Variants in CMSS1 observed in about 807,000 individuals in gnomAD.
CMSS1 encodes protein CMSS1.
Under a neutral mutation model 43.5 loss-of-function variants are expected in CMSS1, and 33 were observed. That is an observed-to-expected ratio of 0.76 (90% CI 0.57 to 1.01). CMSS1 has a LOEUF of 1.01. Ranked by LOEUF, CMSS1 falls within the 50% of genes least tolerant of loss-of-function variation. CMSS1 has a pLI of 0.00. For synonymous variants in CMSS1, 115 were observed against 117.2 expected, an observed-to-expected ratio of 0.98 and a Z score of 0.12; for missense variants, 313 against 326.4, an observed-to-expected ratio of 0.96 and a Z score of 0.32.
intron 1 of CMSS1, chr3:99,930,796 G>A (rs750785968): frequency 3.1e-6 from 5 of 1,613,072 alleles, no homozygotes; most frequent in Non-Finnish European, 4.2e-6. Flanking sequence ...GAATGCTGAG[G>A]AGAAATAACA....
intron 1 of CMSS1, among the ~76,000 whole-genome samples, chr3:100,029,422 GC>G: frequency 6.9e-6 from 1 of 144,824 alleles, no homozygotes; most frequent in South Asian, 2.3e-4. Context: ...TAAATAAAAA[GC>G]TAAATAGTCA....
At chr3:100,126,212 G>A (rs1180717910) in intron 1 of CMSS1, among the ~76,000 whole-genome samples, 1 of 152,192 alleles carries the variant, frequency 6.6e-6, no homozygotes, top group Non-Finnish European at 1.5e-5. Flanking sequence ...TGAGTTCAGA[G>A]AGATGGTATG....
chr3:100,096,676 A>T (rs766731301), intron 1 of CMSS1, among the ~76,000 whole-genome samples: 14 of 151,886 alleles, frequency 9.2e-5, no homozygotes, highest in African/African-American at 2.4e-4. Context: ...AAAAAAAGAA[A>T]GAATGAATAA....
Position 100,180,567 on chromosome 3 carries a change from G to A in CMSS1, c.*2179G>A, listed in dbSNP as rs2067178222. The stretch of plus-strand genomic sequence containing the variant: ...GTCTCTGCTAAAGCATAGCAAGAGT[G>A]ACCTTTGCTCCAGTTCCTGATAAGT... On this transcript the variant is annotated 3_prime_UTR_variant, in exon 10 of 10. Coordinates refer to ENST00000421999, the MANE Select transcript of CMSS1 (RefSeq NM_032359.4). The A allele has an allele frequency of 1.3e-5, 2 of 152,390 alleles. No homozygotes were observed. Among genetic ancestry groups the A allele is most frequent in the Non-Finnish European group, 2.9e-5 (2 of 68,100 alleles). 9.4% of individuals were successfully genotyped at this position (152,390 alleles called of 1,614,324 possible). A position where few individuals can be genotyped will look rare whatever the true frequency, so the allele number is the denominator to read the frequency against.
intron 1 of CMSS1, among the ~76,000 whole-genome samples, chr3:99,826,999 G>C (rs553358365): frequency 6.6e-5 from 10 of 152,254 alleles, no homozygotes; most frequent in Admixed American, 2.6e-4. Context: ...CACTTCTGCG[G>C]AAACAACATG....
intron 1 of CMSS1, among the ~76,000 whole-genome samples, chr3:100,020,895 G>A (rs1559728006): frequency 1.3e-5 from 2 of 148,284 alleles, no homozygotes; most frequent in African/African-American, 2.5e-5. Context: ...AGTCTCCCAA[G>A]TAGCTGGGAC....
chr3:99,954,020 A>C (rs939238376), intron 1 of CMSS1, among the ~76,000 whole-genome samples: 1 of 152,192 alleles, frequency 6.6e-6, no homozygotes, highest in African/African-American at 2.4e-5. Context: ...CCCTTAAGAG[A>C]GTTACCTTGT....
intron 1 of CMSS1, among the ~76,000 whole-genome samples, chr3:99,923,654 G>T (rs1020386968): frequency 6.6e-6 from 1 of 151,992 alleles, no homozygotes; most frequent in African/African-American, 2.4e-5. Flanking sequence ...AGTTTCCTGC[G>T]CCCAGTCTAA....
chr3:99,901,367 A>C (rs1177939880), intron 1 of CMSS1, among the ~76,000 whole-genome samples: 1 of 152,210 alleles, frequency 6.6e-6, no homozygotes, highest in Non-Finnish European at 1.5e-5. Flanking sequence ...ATTAATGCCA[A>C]ATCCTCAAAA....
chr3:99,915,385 A>G (rs945675560), intron 1 of CMSS1, among the ~76,000 whole-genome samples: 12 of 152,224 alleles, frequency 7.9e-5, no homozygotes, highest in African/African-American at 2.9e-4. Context: ...CGCTTACCTT[A>G]GAGTGGGAAT....
At chr3:99,931,324 A>G (rs1466001702) in intron 1 of CMSS1, among the ~76,000 whole-genome samples, 1 of 152,198 alleles carries the variant, frequency 6.6e-6, no homozygotes. Flanking sequence ...ATTCCACCTC[A>G]GGAACCCAGG....
intron 1 of CMSS1, among the ~76,000 whole-genome samples, chr3:99,992,972 G>T (rs9873878): frequency 0.19 from 28,731 of 151,968 alleles, 3,002 homozygotes; most frequent in South Asian, 0.25. Flanking sequence ...TCACTTGGTT[G>T]TAGGTATGCG....
chr3:99,920,602 A>T (rs755308169), intron 1 of CMSS1, among the ~76,000 whole-genome samples: 3 of 152,228 alleles, frequency 2.0e-5, no homozygotes, highest in Non-Finnish European at 4.4e-5. Flanking sequence ...CACAGATTAC[A>T]GCTAAGGAAA....
chr3:99,841,195 G>A (rs192530292), intron 1 of CMSS1, among the ~76,000 whole-genome samples: 171 of 152,306 alleles, frequency 1.1e-3, no homozygotes, highest in African/African-American at 3.8e-3. Context: ...CATAAGGATC[G>A]TTTCCACTCA....
chr3:100,027,092 C>T (rs1184827492), intron 1 of CMSS1, among the ~76,000 whole-genome samples: 1 of 152,124 alleles, frequency 6.6e-6, no homozygotes, highest in African/African-American at 2.4e-5. Flanking sequence ...GTCATCTTCT[C>T]AGTGAAACCT....
chr3:99,920,288 A>G (rs1707085407), intron 1 of CMSS1, among the ~76,000 whole-genome samples: 1 of 152,146 alleles, frequency 6.6e-6, no homozygotes, highest in African/African-American at 2.4e-5. Context: ...CTTTTGCCCC[A>G]TTGAAACTGA....
chr3:100,149,078 C>T (rs988191684), intron 2 of CMSS1, among the ~76,000 whole-genome samples: 2 of 152,190 alleles, frequency 1.3e-5, no homozygotes, highest in Non-Finnish European at 2.9e-5. Flanking sequence ...ACGTAGTCTT[C>T]TTCATACTCC....
At chr3:99,818,762 T>C (rs1387132091) in intron 1 of CMSS1, among the ~76,000 whole-genome samples, 1 of 152,308 alleles carries the variant, frequency 6.6e-6, no homozygotes, top group East Asian at 1.9e-4. Context: ...TCAGAAACAA[T>C]ACTAGAATTC....
At chr3:100,163,417 G>A (rs1444994912) in intron 4 of CMSS1, among the ~76,000 whole-genome samples, 1 of 152,140 alleles carries the variant, frequency 6.6e-6, no homozygotes, top group Non-Finnish European at 1.5e-5. Context: ...TGTTTTGCGA[G>A]GCTGACACTT....
Sources: gnomAD v4.1 joint callset for allele counts (sites outside exome capture counted in the v4.1 genomes callset) on GRCh38, gnomAD v4.1.1 for gene constraint, MANE v1.5 for transcripts, NCBI Gene and HGNC (gene_info 2026-07-23, HGNC 2026-07-21) for gene names.